The following CHD9 variants were observed in gnomAD, a reference collection of about 807,000 sequenced individuals.
The protein encoded by CHD9 is chromodomain helicase DNA binding protein 9.
In CHD9, 77 loss-of-function variants were observed where a neutral mutation model predicts 316.1. That is an observed-to-expected ratio of 0.24 (90% CI 0.20 to 0.29). The LOEUF (loss-of-function observed/expected upper bound fraction) is 0.29. CHD9 is among the 10% of genes least tolerant of loss of function. The probability of loss-of-function intolerance (pLI) is 1.00; values close to 1 mark genes in which losing one functional copy is unlikely to be tolerated. For missense variants in CHD9, 2,763 were observed against 3,438.1 expected, an observed-to-expected ratio of 0.80 and a Z score of 4.91; for synonymous variants, 1,129 against 1,158.3, an observed-to-expected ratio of 0.97 and a Z score of 0.51.
chr16:53,074,898 C>G (rs1383373895), intron 1 of CHD9, among the ~76,000 whole-genome samples: 1 of 152,164 alleles, frequency 6.6e-6, no homozygotes, highest in Non-Finnish European at 1.5e-5. Flanking sequence ...CCTAGTGGAG[C>G]TGTGAGAAGA....
chr16:53,186,354 C>T (rs1018147467), intron 2 of CHD9, among the ~76,000 whole-genome samples: 1 of 152,152 alleles, frequency 6.6e-6, no homozygotes, highest in Non-Finnish European at 1.5e-5. Context: ...GTAGCCCCTT[C>T]GTTTTGGCCA....
chr16:53,175,079 G>A (rs894349068), intron 2 of CHD9, among the ~76,000 whole-genome samples: 13 of 152,074 alleles, frequency 8.5e-5, no homozygotes, highest in South Asian at 6.2e-4. Flanking sequence ...GTCCTCTACC[G>A]GATGACAGTT....
chr16:53,121,085 CAAATTAATAAATA>C (rs2038710511), intron 1 of CHD9, among the ~76,000 whole-genome samples: 1 of 152,116 alleles, frequency 6.6e-6, no homozygotes, highest in Admixed American at 6.5e-5. Context: ...TAAGTGTTAC[CAAATTAATAAATA>C]TAATTAATTA....
At chr16:53,305,886 T>C (rs1333097102) in intron 31 of CHD9, among the ~76,000 whole-genome samples, 1 of 152,216 alleles carries the variant, frequency 6.6e-6, no homozygotes, top group Non-Finnish European at 1.5e-5. Context: ...GTATTTATAG[T>C]TCTGCCAATC....
chr16:53,172,362 T>G (rs1004713645), intron 2 of CHD9, among the ~76,000 whole-genome samples: 8 of 152,220 alleles, frequency 5.3e-5, no homozygotes, highest in African/African-American at 1.7e-4. Flanking sequence ...GTAAAATAAT[T>G]CATTCCCTTT....
intron 1 of CHD9, among the ~76,000 whole-genome samples, chr16:53,103,434 T>C (rs1158813368): frequency 1.3e-5 from 2 of 152,228 alleles, no homozygotes; most frequent in Non-Finnish European, 2.9e-5. Context: ...TATCCCTTGA[T>C]GGAGACGCTG....
At chr16:53,145,446 C>T (rs957031625) in intron 1 of CHD9, among the ~76,000 whole-genome samples, 52 of 151,530 alleles carry the variant, frequency 3.4e-4, no homozygotes, top group African/African-American at 1.1e-3. Context: ...CCACCATGCC[C>T]GGCCAATCCC....
At chr16:53,281,352 C>CCT (rs2053399384) in intron 24 of CHD9, among the ~76,000 whole-genome samples, 1 of 152,146 alleles carries the variant, frequency 6.6e-6, no homozygotes, top group Non-Finnish European at 1.5e-5. Flanking sequence ...ATTCTTGATT[C>CCT]CTCTCTTCCC....
chr16:53,154,278 G>A (rs2041344170), intron 1 of CHD9, among the ~76,000 whole-genome samples: 1 of 152,098 alleles, frequency 6.6e-6, no homozygotes, highest in South Asian at 2.1e-4. Flanking sequence ...ACATTCTAAA[G>A]CTGACTGTTC....
chr16:53,147,795 C>T (rs990675581), intron 1 of CHD9, among the ~76,000 whole-genome samples: 1 of 152,126 alleles, frequency 6.6e-6, no homozygotes, highest in Non-Finnish European at 1.5e-5. Context: ...TATGAGTGTT[C>T]ATGTACAAGT....
At chr16:53,147,641 A>T (rs2040738595) in intron 1 of CHD9, among the ~76,000 whole-genome samples, 1 of 152,210 alleles carries the variant, frequency 6.6e-6, no homozygotes, top group Admixed American at 6.5e-5. Context: ...AATATCTCTG[A>T]ACATAGTGTT....
chr16:53,233,331 C>G (rs1051449627), intron 10 of CHD9, among the ~76,000 whole-genome samples: 1 of 152,172 alleles, frequency 6.6e-6, no homozygotes, highest in Non-Finnish European at 1.5e-5. Flanking sequence ...AGGATACAAA[C>G]AAACAGCCAG....
intron 17 of CHD9, 69 bp from the exon 18 acceptor site, chr16:53,254,369 C>T (rs2050394442): frequency 9.0e-7 from 1 of 1,114,172 alleles, no homozygotes; most frequent in Non-Finnish European, 1.2e-6. Flanking sequence ...GTTTATATGC[C>T]ATACATATAG....
Position 53,211,227 on chromosome 16 carries a change from A to G in CHD9, c.1784+1414A>G, listed in dbSNP as rs114009884. On this transcript the variant is annotated intron_variant, in intron 3 of 38. Coordinates refer to ENST00000447540, the MANE Select transcript of CHD9 (RefSeq NM_001308319.2). The stretch of plus-strand genomic sequence containing the variant: ...ACCGTTACTTGCCTCAAACTTGGGA[A>G]GGAACAGCTAAAGGCAAAAGATACC... Among the ~76,000 whole-genome samples the G allele has an allele frequency of 5.6e-3, 846 of 152,282 alleles. 7 individuals carry two copies. Among genetic ancestry groups the G allele is most frequent in the African/African-American group, 0.019 (809 of 41,580 alleles).
At chr16:53,323,921 AAAT>A (rs1343631302) in intron 38 of CHD9, 96 bp from the exon 39 acceptor site, 1 of 1,029,370 alleles carries the variant, frequency 9.7e-7, no homozygotes, top group Non-Finnish European at 1.4e-6. Context: ...ATAAATTTAC[AAAT>A]AATTACCTAT....
intron 22 of CHD9, among the ~76,000 whole-genome samples, chr16:53,271,321 C>G (rs1423092979): frequency 6.6e-6 from 1 of 152,108 alleles, no homozygotes; most frequent in Non-Finnish European, 1.5e-5. Flanking sequence ...GTAATCCCAA[C>G]ACTTTGGGAA....
chr16:53,153,680 T>A (rs538571845), intron 1 of CHD9, among the ~76,000 whole-genome samples: 27 of 152,080 alleles, frequency 1.8e-4, no homozygotes, highest in Non-Finnish European at 3.2e-4. Context: ...AGGAATGCAC[T>A]ATGCCTGGCT....
chr16:53,143,472 C>T (rs1411458607), intron 1 of CHD9, among the ~76,000 whole-genome samples: 1 of 151,330 alleles, frequency 6.6e-6, no homozygotes, highest in Non-Finnish European at 1.5e-5. Context: ...ACTGCAAGCT[C>T]CGCCTCCCGG....
rs909901645 is a variant in CHD9, at chr16:53,258,265, A to C, written c.4209+2486A>C. ...CCTACTTTACTATACAGTGCTATCT[A>C]ACTTTTATTTTCCTTAGAGAACTCA... On this transcript the variant is annotated intron_variant, in intron 19 of 38. Coordinates refer to ENST00000447540, the MANE Select transcript of CHD9 (RefSeq NM_001308319.2). 3.3e-5 allele frequency among the ~76,000 whole-genome samples: 5 copies of C among 152,156 alleles called. 1 individual carries two copies. Among genetic ancestry groups the C allele is most frequent in the Admixed American group, 2.6e-4 (4 of 15,272 alleles).
Sources: allele counts gnomAD v4.1 joint callset (sites outside exome capture counted in the v4.1 genomes callset), GRCh38; gene constraint gnomAD v4.1.1; transcripts MANE v1.5; gene names NCBI Gene and HGNC (gene_info 2026-07-23, HGNC 2026-07-21).